The following DENND2B variants were observed in gnomAD, a reference collection of about 807,000 sequenced individuals.
The protein encoded by DENND2B is DENN domain containing 2B.
Under a neutral mutation model 116.0 loss-of-function variants are expected in DENND2B, and 32 were observed. The observed-to-expected ratio is 0.28, with a 90% confidence interval of 0.21 to 0.37. The LOEUF (loss-of-function observed/expected upper bound fraction) is 0.37, where lower values mean the gene tolerates loss of function less well. Among genes scored for constraint, DENND2B ranks in the 10% least tolerant of loss-of-function variants. The probability of loss-of-function intolerance (pLI) is 1.00; values close to 1 mark genes in which losing one functional copy is unlikely to be tolerated. For synonymous variants in DENND2B, 588 were observed against 583.9 expected (o/e 1.01, Z -0.10); for missense variants, 1,276 against 1,477.7 (o/e 0.86, Z 2.24).
At chr11:8,827,636 C>A (rs2062029884) in intron 4 of DENND2B, among the ~76,000 whole-genome samples, 1 of 152,170 alleles carries the variant, frequency 6.6e-6, no homozygotes, top group Non-Finnish European at 1.5e-5. Context: ...GGGTCCAAGA[C>A]CCAGAGAGAT....
intron 4 of DENND2B, among the ~76,000 whole-genome samples, chr11:8,821,823 G>C (rs1305863791): frequency 1.3e-5 from 2 of 152,040 alleles, no homozygotes; most frequent in Non-Finnish European, 2.9e-5. Context: ...ACAAGGTCTG[G>C]CTCTATCGCC....
intron 2 of DENND2B, among the ~76,000 whole-genome samples, chr11:8,861,421 T>C (rs2063386179): frequency 6.6e-6 from 1 of 151,910 alleles, no homozygotes; most frequent in Non-Finnish European, 1.5e-5. Flanking sequence ...ACGAAATATA[T>C]GAAAAAAATG....
At chr11:8,866,268 A>G (rs1298897938) in intron 2 of DENND2B, among the ~76,000 whole-genome samples, 2 of 152,176 alleles carry the variant, frequency 1.3e-5, no homozygotes, top group African/African-American at 2.4e-5. Context: ...CTGCAGTCCT[A>G]TTTTTCTAAG....
At chr11:8,708,051 G>A in intron 11 of DENND2B, 197 bp from the exon 12 acceptor site, 1 of 1,502,450 alleles carries the variant, frequency 6.7e-7, no homozygotes, top group East Asian at 2.5e-5. Context: ...CCTCAGCTCT[G>A]CAGGGTCTCC....
intron 1 of DENND2B, among the ~76,000 whole-genome samples, chr11:8,907,402 A>G (rs1036749859): frequency 2.0e-5 from 3 of 152,180 alleles, no homozygotes; most frequent in African/African-American, 7.2e-5. Context: ...TTCCCAGCCA[A>G]TCTTAAAAAA....
chr11:8,698,820 G>A, intron 16 of DENND2B, 113 bp downstream of exon 16: 2 of 1,270,448 alleles, frequency 1.6e-6, no homozygotes, highest in South Asian at 2.4e-5. Context: ...TAGTCTGTGA[G>A]TAGTACTGAA....
chr11:8,759,491 CAT>C (rs978447665), intron 1 of DENND2B, among the ~76,000 whole-genome samples: 1 of 152,182 alleles, frequency 6.6e-6, no homozygotes, highest in African/African-American at 2.4e-5. Flanking sequence ...CTCTCAACCA[CAT>C]GAGAGAATTT....
In DENND2B at chr11:8,869,548, G is replaced by A. The variant is rs529016503; in HGVS notation, c.-250+1406C>T. Among the ~76,000 whole-genome samples the A allele has an allele frequency of 3.9e-5, 6 of 152,114 alleles. No individual in the cohort carries two copies. The South Asian group carries it at 1.0e-3, about 26-fold the overall frequency. ...GTAGTGGCAGGCGCCTATAATCCCA[G>A]CTACTCGGGAGGCTGAGGCAGGAGA... is the stretch of plus-strand genomic sequence containing the variant. On this transcript the variant is annotated intron_variant, in intron 2 of 6. Coordinates refer to the DENND2B transcript ENST00000524757.
intron 1 of DENND2B, among the ~76,000 whole-genome samples, chr11:8,894,833 G>C (rs1471406901): frequency 2.0e-5 from 3 of 152,176 alleles, no homozygotes; most frequent in Non-Finnish European, 2.9e-5. Flanking sequence ...TTGTGGAAGA[G>C]AGTGTGGCAA....
chr11:8,793,696 C>A (rs910541477), intron 1 of DENND2B, among the ~76,000 whole-genome samples: 2 of 152,124 alleles, frequency 1.3e-5, no homozygotes, highest in Non-Finnish European at 2.9e-5. Context: ...GAATCTGAGT[C>A]CTTGTTTTCA....
At chr11:8,906,649 C>T (rs2064242847) in intron 1 of DENND2B, among the ~76,000 whole-genome samples, 1 of 151,842 alleles carries the variant, frequency 6.6e-6, no homozygotes, top group African/African-American at 2.4e-5. Flanking sequence ...TTTTTAACTC[C>T]CAGTCAATTT....
In DENND2B at chr11:8,747,893, C is replaced by T. The variant is rs116794194; in HGVS notation, c.80+2728G>A. Among the ~76,000 whole-genome samples, 1,450 of 152,302 alleles carry T rather than the reference C, an allele frequency of 9.5e-3. 25 individuals are homozygous for T. Among genetic ancestry groups the T allele is most frequent in the African/African-American group, 0.033 (1,386 of 41,568 alleles). On this transcript the variant is annotated intron_variant, in intron 2 of 19. Transcript: ENST00000313726. ...CCTGTGAAAACCTAGGGACTGGAAT[C>T]CAGGGTCTTTAACCCAGACAGGCTT...
chr11:8,784,974 G>C (rs1398753192), intron 1 of DENND2B, among the ~76,000 whole-genome samples: 1 of 152,152 alleles, frequency 6.6e-6, no homozygotes, highest in Non-Finnish European at 1.5e-5. Context: ...TAATGGCTCT[G>C]TGGCCACCTA....
At chr11:8,862,692 C>T (rs1423835742) in intron 2 of DENND2B, among the ~76,000 whole-genome samples, 1 of 152,044 alleles carries the variant, frequency 6.6e-6, no homozygotes, top group Non-Finnish European at 1.5e-5. Flanking sequence ...TGTTTTTCTT[C>T]CCTGTCCTAC....
chr11:8,766,066 G>C (rs1396995337), intron 1 of DENND2B, among the ~76,000 whole-genome samples: 2 of 151,858 alleles, frequency 1.3e-5, no homozygotes, highest in Non-Finnish European at 2.9e-5. Context: ...AGAAAACTTA[G>C]GTATTTATTT....
At chr11:8,835,333 G>A (rs1196736540) in intron 4 of DENND2B, among the ~76,000 whole-genome samples, 4 of 152,162 alleles carry the variant, frequency 2.6e-5, no homozygotes, top group Non-Finnish European at 4.4e-5. Context: ...TATCTGGGGG[G>A]AATCTTTAAA....
intron 2 of DENND2B, among the ~76,000 whole-genome samples, chr11:8,860,413 G>C (rs1480985466): frequency 1.3e-5 from 2 of 151,822 alleles, no homozygotes; most frequent in African/African-American, 4.8e-5. Flanking sequence ...ACCAAGATGA[G>C]AATCAAATCA....
intron 2 of DENND2B, among the ~76,000 whole-genome samples, chr11:8,880,121 A>C (rs1336885981): frequency 2.6e-5 from 4 of 152,194 alleles, no homozygotes; most frequent in African/African-American, 7.2e-5. Flanking sequence ...GACAAAGGAC[A>C]GAGCCATCTT....
intron 2 of DENND2B, among the ~76,000 whole-genome samples, chr11:8,867,356 T>C (rs2063618015): frequency 1.3e-5 from 2 of 152,090 alleles, no homozygotes; most frequent in African/African-American, 4.8e-5. Context: ...GATTAACTGG[T>C]AAGAAATGTG....
Sources: allele counts gnomAD v4.1 joint callset (sites outside exome capture counted in the v4.1 genomes callset), GRCh38; gene constraint gnomAD v4.1.1; transcripts MANE v1.5; gene names NCBI Gene and HGNC (gene_info 2026-07-23, HGNC 2026-07-21).